The following RP1L1 variants were observed in gnomAD, a reference collection of about 807,000 sequenced individuals.
The protein encoded by RP1L1 is retinitis pigmentosa 1-like 1 protein.
A neutral mutation model predicts 15.7 loss-of-function variants in RP1L1; 27 were observed. That is an observed-to-expected ratio of 1.72 (90% CI 1.27 to 2.38). The LOEUF is 2.38. Among genes scored for constraint, RP1L1 ranks in the 30% most tolerant of loss-of-function variants. The pLI, the probability that RP1L1 is intolerant of heterozygous loss-of-function variation, is 0.00. For synonymous variants in RP1L1, 1,813 were observed against 1,276.7 expected (o/e 1.42, Z -8.96); for missense variants, 4,798 against 3,075.9 (o/e 1.56, Z -13.24).
chr8:10,632,449 T>C (rs1006683621), intron 1 of RP1L1, among the ~76,000 whole-genome samples: 7 of 152,244 alleles, frequency 4.6e-5, no homozygotes, highest in Non-Finnish European at 4.4e-5. Flanking sequence ...GACTTATTGA[T>C]GTATACAGAT....
chr8:10,621,200 G>C (rs1000185788), intron 2 of RP1L1: 14 of 154,382 alleles, frequency 9.1e-5, no homozygotes, highest in African/African-American at 3.4e-4. Flanking sequence ...AAGACGAAGG[G>C]TCCAGTGATA....
At chr8:10,651,318 G>T (rs1586006992) in intron 1 of RP1L1, among the ~76,000 whole-genome samples, 2 of 152,368 alleles carry the variant, frequency 1.3e-5, no homozygotes, top group Middle Eastern at 6.8e-3. Flanking sequence ...GAGTGCTGCA[G>T]CGCTCTCTCT....
chr8:10,623,275 C>T (rs1262685420), intron 1 of RP1L1, 55 bp from the exon 2 acceptor site: 26 of 1,341,648 alleles, frequency 1.9e-5, no homozygotes, highest in East Asian at 1.6e-4. Context: ...ATTGGCATTT[C>T]CTGTCTCTTC....
At chr8:10,648,003 G>A (rs535663376) in intron 1 of RP1L1, among the ~76,000 whole-genome samples, 1 of 151,090 alleles carries the variant, frequency 6.6e-6, no homozygotes, top group African/African-American at 2.4e-5. Flanking sequence ...ACTAGCATTT[G>A]TTGTTATTTT....
In RP1L1 at chr8:10,610,064, T is replaced by C. The variant is rs536910156; in HGVS notation, c.4034A>G (p.Glu1345Gly). The stretch of plus-strand genomic sequence containing the variant: ...CTCTTCTTCTTGCTGTCCTTCTCCT[T>C]CTGTTTCTTTAGTTTCCTCTAACTG... ...GVQLEETKET[E>G]GEGQQEEEAQ... is the part of the protein sequence containing the mutation. Residue 1345 changes from glutamate to glycine, a missense_variant, in exon 4 of 4, where the codon GAA becomes GGA. By Grantham distance (98) the Glu-to-Gly change is moderately conservative. Transcript: ENST00000382483. 8.8e-6 allele frequency: 13 copies of C among 1,469,098 alleles called. 1 individual carries two copies. Among genetic ancestry groups the C allele is most frequent in the African/African-American group, 4.2e-5 (3 of 71,170 alleles). The allele number at this position is 1,469,098 out of a possible 1,614,324, so 91.0% of individuals were successfully genotyped here. A position where few individuals can be genotyped will look rare whatever the true frequency, so the allele number is the denominator to read the frequency against.
At position 10,608,675 on chromosome 8, in the gene RP1L1, G is replaced by C. The variant is rs778500571; in HGVS notation, c.5423C>G (p.Ser1808Cys). Residue 1808 changes from serine to cysteine, a missense_variant, in exon 4 of 4, where the codon TCT (serine) becomes TGT (cysteine). Physicochemically the swap from Ser to Cys is moderately radical, Grantham distance 112 (BLOSUM62 -1). Coordinates refer to ENST00000382483, the MANE Select transcript of RP1L1 (RefSeq NM_178857.6). ...ACCCTGCAAGTTGTCCTCATGCCCAGAGCCTTGACCCCCAGTTTCTCCCCT... is the reference window on the plus strand; with the variant it reads ...ACCCTGCAAGTTGTCCTCATGCCCACAGCCTTGACCCCCAGTTTCTCCCCT... ...SERGETGGQG[S>C]GHEDNLQGEA... 6 of 1,614,066 alleles carry C rather than the reference G, an allele frequency of 3.7e-6. No homozygotes were observed. The East Asian group carries it at 6.7e-5, about 18-fold the overall frequency.
In RP1L1 at chr8:10,609,179, C is replaced by A. The variant is rs775674446; in HGVS notation, c.4919G>T (p.Ser1640Ile). The change falls in exon 4 of 4, where the codon AGC (serine) becomes ATC (isoleucine). Residue 1640 changes from serine to isoleucine, a missense_variant. Transcript: ENST00000382483. ...GCCCAGCTGGCTCCCCAGGGCTGTGCTGAGGGCTGGCTCGTCCTCCAGGGT... is the reference window on the plus strand; with the variant it reads ...GCCCAGCTGGCTCCCCAGGGCTGTGATGAGGGCTGGCTCGTCCTCCAGGGT... ...SFTLEDEPAL[S>I]TALGSQLGEE... 6.2e-7 allele frequency: 1 copy of A among 1,612,180 alleles called. No individual in the cohort carries two copies. Among genetic ancestry groups the A allele is most frequent in the Non-Finnish European group, 8.5e-7 (1 of 1,179,534 alleles).
At chr8:10,645,926 G>A (rs1259379763) in intron 1 of RP1L1, among the ~76,000 whole-genome samples, 2 of 152,192 alleles carry the variant, frequency 1.3e-5, no homozygotes, top group South Asian at 2.1e-4. Flanking sequence ...CTTCCCTCTT[G>A]TCTGGGCCCT....
chr8:10,607,467 C>G lies in RP1L1; in HGVS notation c.6631G>C (p.Gly2211Arg). 6.2e-7 allele frequency: 1 copy of G among 1,611,514 alleles called. No homozygotes were observed. Among genetic ancestry groups the G allele is most frequent in the Non-Finnish European group, 8.5e-7 (1 of 1,178,334 alleles). The change falls in exon 4 of 4, where the codon GGT becomes CGT. Residue 2211 changes from glycine (G) to arginine (R), a missense_variant. Transcript: ENST00000382483. Reference protein sequence around the residue: ...AEGEAQPELEGVEAPEAEEEA... With the variant: ...AEGEAQPELERVEAPEAEEEA... ...TCTTCAGCCTCCGGGGCCTCTACAC[C>G]TTCTAACTCTGGTTGGGCCTCCCCT...
At chr8:10,631,551 G>A (rs988740410) in intron 1 of RP1L1, among the ~76,000 whole-genome samples, 1 of 152,192 alleles carries the variant, frequency 6.6e-6, no homozygotes, top group Non-Finnish European at 1.5e-5. Context: ...TATCTCAACT[G>A]TTCCTACAGT....
At chr8:10,623,346 C>A in intron 1 of RP1L1, 126 bp from the exon 2 acceptor site, 1 of 714,476 alleles carries the variant, frequency 1.4e-6, no homozygotes, top group Non-Finnish European at 2.2e-6. Context: ...TATGGAGAGG[C>A]AAGTGAATCT....
At chr8:10,640,205 G>C (rs2117255735) in intron 1 of RP1L1, among the ~76,000 whole-genome samples, 1 of 152,322 alleles carries the variant, frequency 6.6e-6, no homozygotes. Context: ...TTGTTCCTTT[G>C]TCTTAGCAAT....
intron 3 of RP1L1, among the ~76,000 whole-genome samples, chr8:10,613,974 C>T (rs1195310222): frequency 6.6e-6 from 1 of 152,156 alleles, no homozygotes; most frequent in Admixed American, 6.6e-5. Context: ...GTAAAATAAG[C>T]ATAATAATAT....
rs760022316 is a variant in RP1L1, at chr8:10,623,130, G to A, written c.72C>T (p.Thr24=). 17 of 1,610,026 alleles carry A rather than the reference G, an allele frequency of 1.1e-5. No homozygotes were observed. The highest frequency in any genetic ancestry group is 1.7e-5 in the Admixed American group (1 of 59,828). The change falls in exon 2 of 4, where the codon ACC becomes ACT. Residue 24 remains threonine (T), a synonymous_variant. Coordinates refer to ENST00000382483, the MANE Select transcript of RP1L1 (RefSeq NM_178857.6). The stretch of plus-strand genomic sequence containing the variant: ...CTGGCGTGACCTTGGTGACCGAGGG[G>A]GTGCGAGCCACAGAGGGCAGGAAGC... ...RECFLPSVAR[T]PSVTKVTPAK... is the part of the protein sequence containing the mutation.
At position 10,607,038 on chromosome 8, in the gene RP1L1, C is replaced by G; in HGVS notation, c.7060G>C (p.Glu2354Gln). Residue 2354 changes from glutamate (E) to glutamine (Q), a missense_variant, in exon 4 of 4, where the codon GAG becomes CAG. Physicochemically the swap from Glu to Gln is conservative, Grantham distance 29. Coordinates refer to ENST00000382483, the MANE Select transcript of RP1L1 (RefSeq NM_178857.6). ...YPESSTSEQE[E>Q]APLGSRTPEQ... Reference sequence around the variant, plus strand: ...GGAGTCCTTGAGCCCAAAGGGGCCTCTTCTTGCTCAGAAGTAGAACTTTCT... The same window carrying G: ...GGAGTCCTTGAGCCCAAAGGGGCCTGTTCTTGCTCAGAAGTAGAACTTTCT... 6.2e-7 allele frequency: 1 copy of G among 1,614,242 alleles called. No homozygotes were observed. Among genetic ancestry groups the G allele is most frequent in the Non-Finnish European group, 8.5e-7 (1 of 1,180,042 alleles).
chr8:10,612,479 C>G lies in RP1L1; in HGVS notation c.1619G>C (p.Gly540Ala). 1 of 1,612,622 alleles carries G rather than the reference C, an allele frequency of 6.2e-7. No individual in the cohort carries two copies. Among genetic ancestry groups the G allele is most frequent in the East Asian group, 2.2e-5 (1 of 44,874 alleles). ...CCATTCGCTGGATCCCTCATGAGAGCCGGTGCTGGCTGACGAGTCCGAAGA... is the reference window on the plus strand; with the variant it reads ...CCATTCGCTGGATCCCTCATGAGAGGCGGTGCTGGCTGACGAGTCCGAAGA... ...GASSDSSASTGSHEGSSEWGG... is the reference protein window; with the variant it reads ...GASSDSSASTASHEGSSEWGG... The change falls in exon 4 of 4, where the codon GGC (glycine) becomes GCC (alanine). Residue 540 changes from glycine (G) to alanine (A), a missense_variant. Gly to Ala is a moderately conservative substitution (Grantham distance 60). Transcript: ENST00000382483.
chr8:10,614,867 A>C (rs1056575663), intron 3 of RP1L1, among the ~76,000 whole-genome samples: 1 of 152,222 alleles, frequency 6.6e-6, no homozygotes, highest in African/African-American at 2.4e-5. Flanking sequence ...TGGCACATGT[A>C]TACATATGTA....
At chr8:10,633,583 A>C (rs1366271226) in intron 1 of RP1L1, among the ~76,000 whole-genome samples, 1 of 152,116 alleles carries the variant, frequency 6.6e-6, no homozygotes, top group African/African-American at 2.4e-5. Context: ...GGAAATCGCA[A>C]ACCCACTCAG....
At position 10,608,973 on chromosome 8, in the gene RP1L1, C is replaced by A; in HGVS notation, c.5125G>T (p.Ala1709Ser). 2 of 1,613,178 alleles carry A rather than the reference C, an allele frequency of 1.2e-6. No homozygotes were observed. The highest frequency in any genetic ancestry group is 1.7e-6 in the Non-Finnish European group (2 of 1,179,208). The stretch of plus-strand genomic sequence containing the variant: ...GGGTCCGTGTGGGTCTTGCCAGGGG[C>A]CACCTCTGCTGCCTCCCCATCAGTG... ...EHTDGEAAEV[A>S]PGKTHTDPTS... is the part of the protein sequence containing the mutation. Residue 1709 changes from alanine to serine, a missense_variant, in exon 4 of 4, where the codon GCC (alanine) becomes TCC (serine). Transcript: ENST00000382483.
Sources: gnomAD v4.1 joint callset for allele counts (sites outside exome capture counted in the v4.1 genomes callset) on GRCh38, gnomAD v4.1.1 for gene constraint, MANE v1.5 for transcripts, NCBI Gene and HGNC (gene_info 2026-07-23, HGNC 2026-07-21) for gene names.